Variants in RAVER2 observed in about 807,000 individuals in gnomAD.
RAVER2 encodes the protein ribonucleoprotein PTB-binding 2.
In RAVER2, 46 loss-of-function variants were observed where a neutral mutation model predicts 78.1. The ratio of observed to expected loss-of-function variants is 0.59; its 90% CI spans 0.46 to 0.75. The LOEUF (loss-of-function observed/expected upper bound fraction) is 0.75, where lower values mean the gene tolerates loss of function less well. Ranked by LOEUF, RAVER2 falls within the 30% of genes least tolerant of loss-of-function variation. The pLI is 0.00. For synonymous variants in RAVER2, 311 were observed against 313.3 expected (o/e 0.99, Z 0.08); for missense variants, 793 against 837.5 (o/e 0.95, Z 0.66).
chr1:64,824,437 G>A (rs950077124), intron 11 of RAVER2, among the ~76,000 whole-genome samples: 3 of 152,202 alleles, frequency 2.0e-5, no homozygotes, highest in African/African-American at 7.2e-5. Context: ...ATGCTGTGTG[G>A]ATTTTTGTAT....
intron 9 of RAVER2, 51 bp from the exon 10 acceptor site, chr1:64,812,687 A>T (rs746304733): frequency 8.3e-7 from 1 of 1,209,726 alleles, no homozygotes; most frequent in African/African-American, 1.6e-5. Context: ...CTTTATTTTT[A>T]TTTTCGTGTA....
chr1:64,790,839 C>A (rs183083121), intron 5 of RAVER2, among the ~76,000 whole-genome samples: 1 of 152,284 alleles, frequency 6.6e-6, no homozygotes, highest in Non-Finnish European at 1.5e-5. Flanking sequence ...CTAACACCAG[C>A]TCACCTACTG....
intron 2 of RAVER2, among the ~76,000 whole-genome samples, chr1:64,775,743 G>A (rs1488236057): frequency 6.6e-6 from 1 of 152,186 alleles, no homozygotes; most frequent in African/African-American, 2.4e-5. Context: ...GAAAGGCCTG[G>A]TGCAGTGGCT....
At chr1:64,789,537 GATTA>G (rs1379491707) in intron 5 of RAVER2, 23 bp downstream of exon 5, 14 of 1,413,878 alleles carry the variant, frequency 9.9e-6, no homozygotes, top group Non-Finnish European at 1.3e-5. Flanking sequence ...TATGTATACT[GATTA>G]ATTAAAGAAT....
intron 1 of RAVER2, among the ~76,000 whole-genome samples, chr1:64,752,498 G>A (rs534152045): frequency 1.3e-5 from 2 of 152,280 alleles, no homozygotes; most frequent in South Asian, 4.1e-4. Flanking sequence ...TTCTGAGTGT[G>A]CCTTCTGTTA....
intron 4 of RAVER2, among the ~76,000 whole-genome samples, chr1:64,788,080 A>T (rs1408063244): frequency 2.0e-5 from 3 of 152,202 alleles, no homozygotes; most frequent in African/African-American, 7.2e-5. Context: ...TAAAACTGAA[A>T]ATTATTTCAT....
chr1:64,759,312 C>T (rs1052768987), intron 1 of RAVER2, among the ~76,000 whole-genome samples: 13 of 151,594 alleles, frequency 8.6e-5, no homozygotes, highest in African/African-American at 2.7e-4. Context: ...CTCCGCCTCC[C>T]GGGTTCATGG....
chr1:64,783,193 G>A (rs1354907909), intron 4 of RAVER2, among the ~76,000 whole-genome samples: 3 of 152,104 alleles, frequency 2.0e-5, no homozygotes, highest in African/African-American at 7.2e-5. Context: ...ATAAATATAT[G>A]TGTGCATGTG....
chr1:64,833,077 G>A (rs947477307), exon 12 of RAVER2: 1 of 177,364 alleles, frequency 5.6e-6, no homozygotes, highest in East Asian at 9.5e-5. Flanking sequence ...CAGTGAAGAA[G>A]TGCAAATCAA....
At chr1:64,765,012 A>G (rs913336991) in intron 1 of RAVER2, among the ~76,000 whole-genome samples, 11 of 152,240 alleles carry the variant, frequency 7.2e-5, no homozygotes, top group Admixed American at 2.0e-4. Flanking sequence ...AATAATCACA[A>G]TGCCCTACAT....
chr1:64,761,327 G>C (rs1220303374), intron 1 of RAVER2, among the ~76,000 whole-genome samples: 4 of 151,608 alleles, frequency 2.6e-5, no homozygotes, highest in East Asian at 3.9e-4. Context: ...ACTGCGTTGG[G>C]CCCCCCCCAA....
exon 12 of RAVER2, chr1:64,832,662 C>CTAATT (rs1315136841): frequency 1.3e-5 from 2 of 152,032 alleles, no homozygotes; most frequent in African/African-American, 4.8e-5. Flanking sequence ...TTCACTTGGT[C>CTAATT]TAATTTATTG....
intron 9 of RAVER2, among the ~76,000 whole-genome samples, chr1:64,812,491 C>T (rs1273433683): frequency 2.0e-4 from 30 of 151,566 alleles, no homozygotes. Flanking sequence ...TTTCCTGGTT[C>T]AAATGAGAAG....
intron 1 of RAVER2, among the ~76,000 whole-genome samples, chr1:64,756,458 G>A (rs529087753): frequency 2.6e-5 from 4 of 152,070 alleles, no homozygotes; most frequent in Non-Finnish European, 5.9e-5. Flanking sequence ...TTATTTCGAT[G>A]CTTTGTTTTA....
At chr1:64,799,700 C>G (rs1653205466) in intron 5 of RAVER2, among the ~76,000 whole-genome samples, 1 of 152,156 alleles carries the variant, frequency 6.6e-6, no homozygotes, top group African/African-American at 2.4e-5. Flanking sequence ...CTCAGCCTCC[C>G]AAAGTGCTGG....
intron 8 of RAVER2, among the ~76,000 whole-genome samples, chr1:64,805,971 A>G (rs559693841): frequency 2.3e-4 from 35 of 152,324 alleles, no homozygotes; most frequent in African/African-American, 7.2e-4. Flanking sequence ...GCTTTAGTAT[A>G]TGCCGCTTTA....
At chr1:64,787,536 C>T (rs1318385947) in intron 4 of RAVER2, among the ~76,000 whole-genome samples, 1 of 152,168 alleles carries the variant, frequency 6.6e-6, no homozygotes, top group Non-Finnish European at 1.5e-5. Context: ...CAAGTTCTGC[C>T]TTCCTCTGCT....
intron 11 of RAVER2, among the ~76,000 whole-genome samples, chr1:64,822,863 G>A (rs141385596): frequency 6.6e-6 from 1 of 152,332 alleles, no homozygotes; most frequent in African/African-American, 2.4e-5. Flanking sequence ...AGAAAGGAAT[G>A]GAGTACTGAT....
At chr1:64,763,290 C>A (rs989546341) in intron 1 of RAVER2, among the ~76,000 whole-genome samples, 1 of 151,618 alleles carries the variant, frequency 6.6e-6, no homozygotes, top group Non-Finnish European at 1.5e-5. Context: ...GAGCGAGACT[C>A]CATCTCAAAA....
Sources: gnomAD v4.1 joint callset for allele counts (sites outside exome capture counted in the v4.1 genomes callset) on GRCh38, gnomAD v4.1.1 for gene constraint, MANE v1.5 for transcripts, NCBI Gene and HGNC (gene_info 2026-07-23, HGNC 2026-07-21) for gene names.